The following SLC35D4 variants were observed in gnomAD, a reference collection of about 807,000 sequenced individuals.
The protein encoded by SLC35D4 is UDP-N-acetylglucosamine transporter SLC35D4.
chr18:23,280,216 G>A, the SLC35D4 span, among the ~76,000 whole-genome samples: 9 of 152,376 alleles, frequency 5.9e-5, no homozygotes, highest in East Asian at 1.9e-4. Flanking sequence ...GTGTGTGCGC[G>A]CAGCCGACTG....
chr18:23,424,513 A>G, the SLC35D4 span, among the ~76,000 whole-genome samples: 1 of 152,194 alleles, frequency 6.6e-6, no homozygotes, highest in Non-Finnish European at 1.5e-5. Flanking sequence ...AGTCTGTCTC[A>G]TCCAACCAAG....
At chr18:23,247,700 C>T in the SLC35D4 span, among the ~76,000 whole-genome samples, 3 of 152,256 alleles carry the variant, frequency 2.0e-5, no homozygotes, top group African/African-American at 7.2e-5. Context: ...GACTCTGGCT[C>T]TTGAGCCTGT....
At chr18:23,364,845 G>A in the SLC35D4 span, among the ~76,000 whole-genome samples, 1 of 128,760 alleles carries the variant, frequency 7.8e-6, no homozygotes, top group East Asian at 2.7e-4. Context: ...AGAGGTTGCA[G>A]TGAGCTGAGA....
the SLC35D4 span, among the ~76,000 whole-genome samples, chr18:23,379,146 C>T: frequency 6.7e-6 from 1 of 150,140 alleles, no homozygotes. Flanking sequence ...TTTTTTGAGC[C>T]AGAGTCTTGC....
chr18:23,262,511 T>G, the SLC35D4 span, among the ~76,000 whole-genome samples: 1 of 152,246 alleles, frequency 6.6e-6, no homozygotes, highest in South Asian at 2.1e-4. Context: ...GGACTGACAC[T>G]GATTGACGTC....
the SLC35D4 span, among the ~76,000 whole-genome samples, chr18:23,282,910 G>A: frequency 6.6e-6 from 1 of 151,934 alleles, no homozygotes; most frequent in Non-Finnish European, 1.5e-5. Flanking sequence ...TGCATGGTGG[G>A]TGCTGTAAAT....
the SLC35D4 span, among the ~76,000 whole-genome samples, chr18:23,338,119 C>T: frequency 2.6e-5 from 4 of 152,204 alleles, no homozygotes; most frequent in African/African-American, 9.7e-5. Flanking sequence ...TCCATGGAAA[C>T]CACCAAACAT....
the SLC35D4 span, among the ~76,000 whole-genome samples, chr18:23,362,291 G>A: frequency 2.0e-5 from 3 of 152,298 alleles, no homozygotes; most frequent in South Asian, 4.1e-4. Context: ...CACTGGAGTG[G>A]GATACTTCAT....
At chr18:23,337,885 C>T in the SLC35D4 span, among the ~76,000 whole-genome samples, 2 of 152,170 alleles carry the variant, frequency 1.3e-5, no homozygotes, top group Non-Finnish European at 2.9e-5. Flanking sequence ...AATTCCTAGG[C>T]AGCTAAGAGA....
chr18:23,298,077 A>G, the SLC35D4 span: 1 of 1,613,624 alleles, frequency 6.2e-7, no homozygotes, highest in Non-Finnish European at 8.5e-7. Flanking sequence ...GCTGCAAACA[A>G]CAGCAGAAGG....
the SLC35D4 span, among the ~76,000 whole-genome samples, chr18:23,262,957 T>C: frequency 6.6e-6 from 1 of 152,176 alleles, no homozygotes; most frequent in African/African-American, 2.4e-5. Context: ...GATGAAGCCT[T>C]GGACACGGTC....
the SLC35D4 span, among the ~76,000 whole-genome samples, chr18:23,283,926 G>T: frequency 1.3e-5 from 2 of 152,224 alleles, no homozygotes; most frequent in Non-Finnish European, 2.9e-5. Flanking sequence ...TAAACAAAAG[G>T]TGGATTATTC....
the SLC35D4 span, among the ~76,000 whole-genome samples, chr18:23,402,250 T>A: frequency 1.3e-5 from 2 of 152,066 alleles, no homozygotes; most frequent in Admixed American, 1.3e-4. Flanking sequence ...GCAAGGCAAG[T>A]GTGAAGGGAT....
At chr18:23,295,059 T>C in the SLC35D4 span, among the ~76,000 whole-genome samples, 1 of 151,906 alleles carries the variant, frequency 6.6e-6, no homozygotes, top group African/African-American at 2.4e-5. Flanking sequence ...GTCTCCATTG[T>C]ATAGAGTTTT....
chr18:23,385,507 C>T, the SLC35D4 span, among the ~76,000 whole-genome samples: 1 of 152,146 alleles, frequency 6.6e-6, no homozygotes, highest in Admixed American at 6.5e-5. Context: ...CTGGCATGGG[C>T]CAAACAAAAA....
chr18:23,262,445 G>C, the SLC35D4 span, among the ~76,000 whole-genome samples: 1 of 152,240 alleles, frequency 6.6e-6, no homozygotes, highest in East Asian at 1.9e-4. Flanking sequence ...TGTAGCTGGG[G>C]ACTGTAGAGC....
the SLC35D4 span, among the ~76,000 whole-genome samples, chr18:23,292,977 C>G: frequency 6.6e-6 from 1 of 152,174 alleles, no homozygotes; most frequent in Admixed American, 6.5e-5. Context: ...TGGTGGCTCA[C>G]GCCTATAATC....
chr18:23,362,848 A>G, the SLC35D4 span, among the ~76,000 whole-genome samples: 1 of 152,194 alleles, frequency 6.6e-6, no homozygotes, highest in African/African-American at 2.4e-5. Context: ...GGCACCTGGG[A>G]TAATCACCAA....
chr18:23,264,440 G>T, the SLC35D4 span, among the ~76,000 whole-genome samples: 11 of 133,984 alleles, frequency 8.2e-5, no homozygotes, highest in African/African-American at 3.0e-4. Context: ...TCGGCTCACT[G>T]CAACCTCTGC....
Sources: gnomAD v4.1 joint callset for allele counts (sites outside exome capture counted in the v4.1 genomes callset) on GRCh38, gnomAD v4.1.1 for gene constraint, MANE v1.5 for transcripts, NCBI Gene and HGNC (gene_info 2026-07-23, HGNC 2026-07-21) for gene names.